Variants in DSG3 observed in about 807,000 individuals in gnomAD.
DSG3 encodes desmoglein 3.
In DSG3, 63 loss-of-function variants were observed where a neutral mutation model predicts 85.9. That is an observed-to-expected ratio of 0.73 (90% confidence interval 0.60 to 0.90). The LOEUF (loss-of-function observed/expected upper bound fraction) is 0.90, where lower values mean the gene tolerates loss of function less well. Among genes scored for constraint, DSG3 ranks in the 40% least tolerant of loss-of-function variants. The pLI is 0.00. For synonymous variants in DSG3, 447 were observed against 441.9 expected, an observed-to-expected ratio of 1.01 and a Z score of -0.14; for missense variants, 1,220 against 1,219.9, an observed-to-expected ratio of 1.00 and a Z score of 0.00.
At chr18:31,461,110 G>A in intron 7 of DSG3, 117 bp from the exon 8 acceptor site, 1 of 1,228,396 alleles carries the variant, frequency 8.1e-7, no homozygotes, top group South Asian at 1.7e-5. Context: ...TAAGAATTCA[G>A]TAATAAGAAG....
At chr18:31,458,755 T>G (rs1381628391) in intron 4 of DSG3, among the ~76,000 whole-genome samples, 155 bp downstream of exon 4, 1 of 152,188 alleles carries the variant, frequency 6.6e-6, no homozygotes, top group Non-Finnish European at 1.5e-5. Context: ...GAGCCTCGCC[T>G]GAGGGAACAC....
Position 31,474,204 on chromosome 18 carries a change from A to C in DSG3, c.2185A>C (p.Thr729Pro). 1 of 1,614,234 alleles carries C rather than the reference A, an allele frequency of 6.2e-7. No homozygotes were observed. Among genetic ancestry groups the C allele is most frequent in the Admixed American group, 1.7e-5 (1 of 60,034 alleles). ...MEMTTKLGAA[T>P]ESGGAAGFAT... ...AATGACCACTAAGCTTGGAGCAGCC[A>C]CTGAATCTGGAGGTGCTGCAGGCTT... The change falls in exon 15 of 16, where the codon ACT (threonine) becomes CCT (proline). Residue 729 changes from threonine (T) to proline (P), a missense_variant. Thr to Pro is a conservative substitution (Grantham distance 38). Coordinates refer to ENST00000257189, the MANE Select transcript of DSG3 (RefSeq NM_001944.3).
chr18:31,459,282 C>A, intron 5 of DSG3, 105 bp downstream of exon 5: 1 of 1,125,212 alleles, frequency 8.9e-7, no homozygotes, highest in Non-Finnish European at 1.2e-6. Context: ...TTAGTTTAAT[C>A]AGTAGTTTTG....
At chr18:31,454,851 G>A (rs370581055) in intron 1 of DSG3, among the ~76,000 whole-genome samples, 7 of 151,714 alleles carry the variant, frequency 4.6e-5, no homozygotes, top group South Asian at 4.2e-4. Context: ...AAAATTAGCC[G>A]GGTGTGGTGG....
At position 31,466,567 on chromosome 18, in the gene DSG3, T is replaced by TA. The variant is rs1568089673; in HGVS notation, c.1450dup (p.Arg484LysfsTer7). On this transcript the variant is annotated frameshift_variant, in exon 11 of 16. Transcript: ENST00000257189. LOFTEE classifies it high-confidence loss of function. The stretch of plus-strand genomic sequence containing the variant: ...AAACTTCTACAGGCACGGTATATGT[T>TA]AGAGTACCCGATTTCAATGACAATT... 1 of 1,613,884 alleles carries TA rather than the reference T, an allele frequency of 6.2e-7. No homozygotes were observed. Among genetic ancestry groups the TA allele is most frequent in the Admixed American group, 1.7e-5 (1 of 60,022 alleles).
intron 3 of DSG3, 93 bp downstream of exon 3, chr18:31,457,217 G>A (rs2072747861): frequency 7.6e-7 from 1 of 1,309,712 alleles, no homozygotes; most frequent in Admixed American, 2.5e-5. Context: ...ACAAAATGAA[G>A]ACTGGGGAGT....
rs1324279455 is a variant in DSG3, at chr18:31,476,683, G to A, written c.*423G>A. ...ATGATGTAAGAATCACAAGGGGCCGGGCGCGGTGGCTCACGCCTGTAATCC... is the reference window on the plus strand; with the variant it reads ...ATGATGTAAGAATCACAAGGGGCCGAGCGCGGTGGCTCACGCCTGTAATCC... On this transcript the variant is annotated 3_prime_UTR_variant, in exon 16 of 16. Coordinates refer to ENST00000257189, the MANE Select transcript of DSG3 (RefSeq NM_001944.3). 6.4e-6 allele frequency: 1 copy of A among 156,742 alleles called. No homozygotes were observed. Among genetic ancestry groups the A allele is most frequent in the Non-Finnish European group, 1.4e-5 (1 of 71,104 alleles). 9.7% of individuals were successfully genotyped at this position (156,742 alleles called of 1,614,324 possible). A position where few individuals can be genotyped will look rare whatever the true frequency, so the allele number is the denominator to read the frequency against.
chr18:31,475,040 A>G (rs2072877952), intron 15 of DSG3, among the ~76,000 whole-genome samples: 1 of 152,178 alleles, frequency 6.6e-6, no homozygotes, highest in Non-Finnish European at 1.5e-5. Context: ...AATGACCCCC[A>G]AAAAAGGGGA....
rs755575083 is a variant in DSG3, at chr18:31,475,699, G to T, written c.2439G>T (p.Leu813Phe). 1 of 1,614,080 alleles carries T rather than the reference G, an allele frequency of 6.2e-7. No homozygotes were observed. The highest frequency in any genetic ancestry group is 8.5e-7 in the Non-Finnish European group (1 of 1,180,054). The change falls in exon 16 of 16, where the codon TTG becomes TTT. Residue 813 changes from leucine (L) to phenylalanine (F), a missense_variant. By Grantham distance (22) the Leu-to-Phe change is conservative. Transcript: ENST00000257189. ...ATGGCCAGGAAGCAAATGACTGCTT[G>T]TTGATCTATGATAATGAAGGCGCAG... ...EDDGQEANDC[L>F]LIYDNEGADA...
Position 31,447,866 on chromosome 18 carries a change from A to G in DSG3, c.-12A>G. ...GCTCACTTGGACTTTTTCACCAGGG[A>G]AATCAGAGACAATGATGGGGCTCTT... On this transcript the variant is annotated 5_prime_UTR_variant, in exon 1 of 16. Coordinates refer to ENST00000257189, the MANE Select transcript of DSG3 (RefSeq NM_001944.3). 1 of 1,589,970 alleles carries G rather than the reference A, an allele frequency of 6.3e-7. No individual in the cohort carries two copies. Among genetic ancestry groups the G allele is most frequent in the East Asian group, 2.4e-5 (1 of 42,392 alleles).
At chr18:31,470,110 A>G (rs2072846874) in intron 12 of DSG3, among the ~76,000 whole-genome samples, 1 of 152,136 alleles carries the variant, frequency 6.6e-6, no homozygotes, top group African/African-American at 2.4e-5. Flanking sequence ...ATATAAATCA[A>G]ATAGTATTTG....
At chr18:31,449,292 T>C (rs2072697014) in intron 1 of DSG3, among the ~76,000 whole-genome samples, 2 of 152,176 alleles carry the variant, frequency 1.3e-5, no homozygotes, top group African/African-American at 4.8e-5. Context: ...GTGACAGTTG[T>C]ATGACTTTCC....
intron 1 of DSG3, among the ~76,000 whole-genome samples, chr18:31,454,219 G>A (rs556098147): frequency 6.6e-6 from 1 of 152,226 alleles, no homozygotes; most frequent in East Asian, 1.9e-4. Context: ...ATATTTTCGG[G>A]ATGACTCTCC....
chr18:31,458,327 C>T, intron 3 of DSG3, 118 bp from the exon 4 acceptor site: 1 of 1,143,678 alleles, frequency 8.7e-7, no homozygotes, highest in Non-Finnish European at 1.2e-6. Context: ...AAGTAAATGG[C>T]ACAATGTCAA....
rs763815542 is a variant in DSG3, at chr18:31,447,865, G to A, written c.-13G>A. ...GGCTCACTTGGACTTTTTCACCAGG[G>A]AAATCAGAGACAATGATGGGGCTCT... On this transcript the variant is annotated 5_prime_UTR_variant, in exon 1 of 16. Coordinates refer to ENST00000257189, the MANE Select transcript of DSG3 (RefSeq NM_001944.3). The A allele has an allele frequency of 1.9e-6, 3 of 1,589,580 alleles. No homozygotes were observed. Among genetic ancestry groups the A allele is most frequent in the Middle Eastern group, 1.7e-4 (1 of 5,976 alleles).
chr18:31,453,583 TA>T (rs1422171548), intron 1 of DSG3, among the ~76,000 whole-genome samples: 7 of 152,222 alleles, frequency 4.6e-5, no homozygotes, highest in African/African-American at 1.7e-4. Context: ...CTTTATTTCA[TA>T]TATTTTTTAA....
intron 2 of DSG3, 94 bp from the exon 3 acceptor site, chr18:31,456,899 C>T (rs2072745545): frequency 7.7e-7 from 1 of 1,304,054 alleles, no homozygotes; most frequent in Admixed American, 2.3e-5. Flanking sequence ...GATCTTGAAA[C>T]ATAGGGGGTT....
Position 31,474,335 on chromosome 18 carries a change from T to C in DSG3, c.2316T>C (p.Thr772=). The C allele has an allele frequency of 6.2e-7, 1 of 1,614,172 alleles. No homozygotes were observed. The highest frequency in any genetic ancestry group is 8.5e-7 in the Non-Finnish European group (1 of 1,180,044). ...QSGTMRTRHS[T]GGTNKDYADG... is the part of the protein sequence containing the mutation. Reference sequence around the variant, plus strand: ...GAACCATGAGAACAAGGCATTCCACTGGAGGAACCAATAAGGACTACGCTG... The same window carrying C: ...GAACCATGAGAACAAGGCATTCCACCGGAGGAACCAATAAGGACTACGCTG... Residue 772 remains threonine (T), a synonymous_variant, in exon 15 of 16, where the codon ACT becomes ACC. Transcript: ENST00000257189.
intron 4 of DSG3, 51 bp downstream of exon 4, chr18:31,458,651 C>A (rs373416924): frequency 2.0e-5 from 32 of 1,562,412 alleles, no homozygotes; most frequent in Middle Eastern, 3.4e-4. Context: ...TATACCATCG[C>A]TTTAGAAAGT....
Sources: allele counts gnomAD v4.1 joint callset (sites outside exome capture counted in the v4.1 genomes callset), GRCh38; gene constraint gnomAD v4.1.1; transcripts MANE v1.5; gene names NCBI Gene and HGNC (gene_info 2026-07-23, HGNC 2026-07-21).